MGAM: variants seen among roughly 807,000 people sequenced by gnomAD.
The protein encoded by MGAM is maltase-glucoamylase, also known as alpha-1,4-glucosidase.
Under a neutral mutation model 358.8 loss-of-function variants are expected in MGAM, and 253 were observed. That is an observed-to-expected ratio of 0.71 (90% CI 0.64 to 0.78). The LOEUF is 0.78. Ranked by LOEUF, MGAM falls within the 30% of genes least tolerant of loss-of-function variation. The pLI is 0.00. For missense variants in MGAM, 3,080 were observed against 3,432.6 expected, an observed-to-expected ratio of 0.90 and a Z score of 2.57; for synonymous variants, 1,105 against 1,227.1, an observed-to-expected ratio of 0.90 and a Z score of 2.08.
At chr7:142,027,267 A>G in intron 9 of MGAM, 40 bp downstream of exon 9, 1 of 1,468,978 alleles carries the variant, frequency 6.8e-7, no homozygotes, top group Non-Finnish European at 9.5e-7. Context: ...AGGAAATCCT[A>G]AACAGCAAAT....
rs1336760537 is a variant in MGAM at position 142,050,729 on chromosome 7, C to T, written c.2670C>T (p.Thr890=). Residue 890 remains threonine (T), a synonymous_variant, in exon 24 of 71, where the codon ACC becomes ACT. Transcript: ENST00000475668. ...TGGAGGTGAATATTTCACAATCAAC[C>T]TACAAGGACCCCAATAATTTAGCAT... ...NRLEVNISQS[T]YKDPNNLAFN... The T allele has an allele frequency of 6.8e-6, 11 of 1,613,560 alleles. No homozygotes were observed. Among genetic ancestry groups the T allele is most frequent in the South Asian group, 2.2e-5 (2 of 91,062 alleles).
Position 142,021,584 on chromosome 7 carries a change from A to G in MGAM, c.559-2A>G. On this transcript the variant is annotated splice_acceptor_variant, in intron 5 of 70. Coordinates refer to ENST00000475668, the MANE Select transcript of MGAM (RefSeq NM_001365693.1). LOFTEE classifies it high-confidence loss of function. Reference sequence around the variant, plus strand: ...TTTCCTTCTATTTCTATCTCTGCACAGTTGACTGACCAAACCAATAACAGG... The same window carrying G: ...TTTCCTTCTATTTCTATCTCTGCACGGTTGACTGACCAAACCAATAACAGG... 6.2e-7 allele frequency: 1 copy of G among 1,613,722 alleles called. No homozygotes were observed. The highest frequency in any genetic ancestry group is 1.3e-5 in the African/African-American group (1 of 75,052).
At position 142,052,404 on chromosome 7, in the gene MGAM, T is replaced by C. The variant is rs1157075424; in HGVS notation, c.2916T>C (p.Gly972=). ...EKIDCYPDEN[G]ASAENCTARG... is the part of the protein sequence containing the mutation. ...TAGACTGTTACCCTGATGAGAATGG[T>C]GCTTCTGCCGAAAACTGCACTGCCC... The change falls in exon 25 of 71, where the codon GGT becomes GGC. Residue 972 remains glycine (G), a synonymous_variant. Transcript: ENST00000475668. 1 of 1,613,258 alleles carries C rather than the reference T, an allele frequency of 6.2e-7. No individual in the cohort carries two copies.
chr7:141,995,389 G>A (rs1804152108), upstream of MGAM, among the ~76,000 whole-genome samples: 1 of 152,134 alleles, frequency 6.6e-6, no homozygotes, highest in Admixed American at 6.5e-5. Flanking sequence ...TTTCCATACT[G>A]CAAACAAGCT....
At chr7:141,989,702 A>G (rs1032392064) in intron 2 of MGAM, among the ~76,000 whole-genome samples, 9 of 152,066 alleles carry the variant, frequency 5.9e-5, no homozygotes, top group Admixed American at 2.0e-4. Context: ...CCTAAAGTGC[A>G]TTCTCCAAAT....
chr7:142,042,245 T>C (rs1329143859), intron 21 of MGAM, among the ~76,000 whole-genome samples: 8 of 2,636 alleles, frequency 3.0e-3, no homozygotes, highest in Non-Finnish European at 3.9e-3. Flanking sequence ...ATATATTATA[T>C]ATACATATAA....
rs536986831 is a variant in MGAM at position 142,045,752 on chromosome 7, ATC to A, written c.2499-2032_2499-2031del. ...TACAATGTATGAATATATAATATATATCATATATACATACAATGTATGAATAT... is the reference window on the plus strand; with the variant it reads ...TACAATGTATGAATATATAATATATAATATATACATACAATGTATGAATAT... On this transcript the variant is annotated intron_variant, in intron 21 of 70. Transcript: ENST00000475668. Among the ~76,000 whole-genome samples, 281 of 104,044 alleles carry A rather than the reference ATC, an allele frequency of 2.7e-3. 41 individuals are homozygous for A. The highest frequency in any genetic ancestry group is 0.015 in the African/African-American group (268 of 17,384). 68.3% of individuals were successfully genotyped at this position (104,044 alleles called of 152,430 possible).
At chr7:142,056,570 A>G (rs950698694) in intron 29 of MGAM, among the ~76,000 whole-genome samples, 50 of 152,352 alleles carry the variant, frequency 3.3e-4, no homozygotes, top group Admixed American at 9.1e-4. Flanking sequence ...ATCTAACATA[A>G]AACTTGAAAT....
chr7:142,044,197 A>G lies in MGAM; in HGVS notation c.2498+3351A>G, dbSNP rs143333312. Among the ~76,000 whole-genome samples, 614 of 135,362 alleles carry G rather than the reference A, an allele frequency of 4.5e-3. 115 individuals carry two copies. In the South Asian group the frequency reaches 0.081, roughly 18 times the overall value. 88.8% of individuals were successfully genotyped at this position (135,362 alleles called of 152,430 possible). Reference sequence around the variant, plus strand: ...TATATACACATACGACATATAATATATAATATATACATTATATACACATAC... The same window carrying G: ...TATATACACATACGACATATAATATGTAATATATACATTATATACACATAC... On this transcript the variant is annotated intron_variant, in intron 21 of 70. Transcript: ENST00000475668.
chr7:141,996,867 G>C (rs1333519491), intron 1 of MGAM, among the ~76,000 whole-genome samples: 2 of 152,052 alleles, frequency 1.3e-5, no homozygotes, highest in Non-Finnish European at 2.9e-5. Flanking sequence ...AGGTCATAAA[G>C]AGAAAGGTAG....
At position 142,099,542 on chromosome 7, in the gene MGAM, C is replaced by T. The variant is rs1816259321; in HGVS notation, c.7750-71C>T. The T allele has an allele frequency of 8.1e-6, 13 of 1,608,762 alleles. No homozygotes were observed. The Admixed American group carries it at 1.7e-4, about 21-fold the overall frequency. The stretch of plus-strand genomic sequence containing the variant: ...AAGTTCAGAAGGGAGGATGAGATGT[C>T]TGGCAGGATGCATTGTTCAGGGAGG... On this transcript the variant is annotated intron_variant, in intron 66 of 70. Transcript: ENST00000475668.
At chr7:142,073,588 C>T (rs1813515195) in intron 44 of MGAM, among the ~76,000 whole-genome samples, 1 of 146,412 alleles carries the variant, frequency 6.8e-6, no homozygotes, top group Non-Finnish European at 1.5e-5. Flanking sequence ...TCAAAACAAA[C>T]TAATAATAAA....
Position 142,067,443 on chromosome 7 carries a change from C to G in MGAM, c.5004+18C>G. On this transcript the variant is annotated intron_variant, in intron 42 of 70. Transcript: ENST00000475668. ...TGGAGCGCGTGAGTATGGAGGCCTC[C>G]GATGAGGGGAGGATCCCAGCTGTGA... 6.5e-7 allele frequency: 1 copy of G among 1,539,058 alleles called. No individual in the cohort carries two copies. The highest frequency in any genetic ancestry group is 8.9e-7 in the Non-Finnish European group (1 of 1,118,230).
upstream of MGAM, among the ~76,000 whole-genome samples, chr7:141,995,550 A>G (rs928443116): frequency 6.6e-6 from 1 of 152,166 alleles, no homozygotes; most frequent in African/African-American, 2.4e-5. Flanking sequence ...CTCTTTTGGA[A>G]TACTGGGGTC....
rs560036580 is a variant in MGAM, at chr7:142,087,381, C to G, written c.6810+664C>G. ...TTCCAGATTCACTAAGCGTTTCTTGCTTGAATGATACATGGCTCCTTACAG... is the reference window on the plus strand; with the variant it reads ...TTCCAGATTCACTAAGCGTTTCTTGGTTGAATGATACATGGCTCCTTACAG... On this transcript the variant is annotated intron_variant, in intron 57 of 70. Coordinates refer to ENST00000475668, the MANE Select transcript of MGAM (RefSeq NM_001365693.1). Among the ~76,000 whole-genome samples, 7 of 146,108 alleles carry G rather than the reference C, an allele frequency of 4.8e-5. 1 individual carries two copies. In the East Asian group the frequency reaches 1.2e-3, roughly 25 times the overall value.
chr7:142,006,702 T>C (rs1233890141), intron 2 of MGAM, among the ~76,000 whole-genome samples: 3 of 152,160 alleles, frequency 2.0e-5, no homozygotes, highest in African/African-American at 7.2e-5. Context: ...GTTCTGCTCT[T>C]GTTTGCAGCT....
At chr7:142,064,557 C>A in intron 37 of MGAM, 35 bp downstream of exon 37, 5 of 1,556,676 alleles carry the variant, frequency 3.2e-6, no homozygotes, top group Non-Finnish European at 4.3e-6. Flanking sequence ...GCTGTCACAA[C>A]CTATAGCGAT....
At chr7:142,064,760 C>T (rs575759098) in intron 37 of MGAM, among the ~76,000 whole-genome samples, 40 of 152,130 alleles carry the variant, frequency 2.6e-4, no homozygotes, top group Admixed American at 5.2e-4. Context: ...CTTAATGATC[C>T]TAGTGGGAAA....
At chr7:142,049,131 T>G (rs1810692789) in intron 22 of MGAM, among the ~76,000 whole-genome samples, 1 of 152,218 alleles carries the variant, frequency 6.6e-6, no homozygotes, top group African/African-American at 2.4e-5. Context: ...TGTCTCTGGC[T>G]TATTTCACTT....
Sources: gnomAD v4.1 joint callset for allele counts (sites outside exome capture counted in the v4.1 genomes callset) on GRCh38, gnomAD v4.1.1 for gene constraint, MANE v1.5 for transcripts, NCBI Gene and HGNC (gene_info 2026-07-23, HGNC 2026-07-21) for gene names.